The following JARID2 variants were observed in gnomAD, a reference collection of about 807,000 sequenced individuals.
The protein encoded by JARID2 is protein Jumonji.
In JARID2, 21 loss-of-function variants were observed where a neutral mutation model predicts 125.6. That is an observed-to-expected ratio of 0.17 (90% CI 0.12 to 0.24). The LOEUF (loss-of-function observed/expected upper bound fraction) is 0.24. JARID2 is among the 10% of genes least tolerant of loss of function. The pLI is 1.00. For missense variants in JARID2, 1,303 were observed against 1,639.6 expected (o/e 0.79, Z 3.55); for synonymous variants, 736 against 661.6 (o/e 1.11, Z -1.73).
At chr6:15,310,542 G>A (rs938141492) in intron 1 of JARID2, among the ~76,000 whole-genome samples, 27 of 152,202 alleles carry the variant, frequency 1.8e-4, no homozygotes, top group African/African-American at 6.5e-4. Context: ...GGCTGTGAAT[G>A]CCTTGGCCTC....
chr6:15,443,131 A>G (rs1227912726), intron 3 of JARID2, among the ~76,000 whole-genome samples: 1 of 150,548 alleles, frequency 6.6e-6, no homozygotes, highest in Non-Finnish European at 1.5e-5. Context: ...CCTGTTTTCC[A>G]CTTTAGTATT....
In JARID2 at chr6:15,508,434, C is replaced by A; in HGVS notation, c.2826C>A (p.His942Gln). 1.3e-6 allele frequency: 2 copies of A among 1,594,520 alleles called. No individual in the cohort carries two copies. Among genetic ancestry groups the A allele is most frequent in the Non-Finnish European group, 1.7e-6 (2 of 1,162,152 alleles). Residue 942 changes from histidine to glutamine, a missense_variant, in exon 12 of 18, where the codon CAC becomes CAA. Around this residue, in one of 11 missense-constraint regions of JARID2, gnomAD observed 190 missense variants for 341.4 expected, o/e 0.56. Coordinates refer to ENST00000341776, the MANE Select transcript of JARID2 (RefSeq NM_004973.4). ...ACCTTCCATACATTGACTACTTACA[C>A]ACTGGTGCTGACTGCATTTGGTGAG... ...QNHLPYIDYL[H>Q]TGADCIWYCI...
At chr6:15,477,824 T>C (rs770209742) in intron 5 of JARID2, among the ~76,000 whole-genome samples, 1 of 152,218 alleles carries the variant, frequency 6.6e-6, no homozygotes, top group Non-Finnish European at 1.5e-5. Flanking sequence ...ATTGAAAAGA[T>C]CTGGTGCCTG....
At chr6:15,248,015 C>T in intron 1 of JARID2, 6 of 985,372 alleles carry the variant, frequency 6.1e-6, no homozygotes, top group Non-Finnish European at 7.2e-6. Flanking sequence ...AGAACCGCAC[C>T]CCGCCTCCCA....
At chr6:15,340,050 C>T (rs1045683709) in intron 1 of JARID2, among the ~76,000 whole-genome samples, 1 of 151,832 alleles carries the variant, frequency 6.6e-6, no homozygotes, top group Non-Finnish European at 1.5e-5. Flanking sequence ...ACCTCTGACT[C>T]CCGGGTTCAT....
At chr6:15,421,351 G>A (rs1346111771) in intron 3 of JARID2, among the ~76,000 whole-genome samples, 1 of 151,302 alleles carries the variant, frequency 6.6e-6, no homozygotes, top group Non-Finnish European at 1.5e-5. Flanking sequence ...AGAGAGACAC[G>A]TACCATCAGG....
chr6:15,439,048 A>AT (rs1400471837), intron 3 of JARID2, among the ~76,000 whole-genome samples: 3 of 148,742 alleles, frequency 2.0e-5, no homozygotes, highest in African/African-American at 7.4e-5. Context: ...AAAAAAAAAA[A>AT]GGTGTGGGGG....
In JARID2 at chr6:15,390,925, C is replaced by T. The variant is rs186290742; in HGVS notation, c.181+16673C>T. ...ACCATCTGTTTGGTTTGTTGTTTTC[C>T]GTCTCAGAAAATGGGATACTAATTT... On this transcript the variant is annotated intron_variant, in intron 2 of 17. Coordinates refer to ENST00000341776, the MANE Select transcript of JARID2 (RefSeq NM_004973.4). 4.0e-3 allele frequency among the ~76,000 whole-genome samples: 602 copies of T among 152,262 alleles called. 4 individuals are homozygous for T. The highest frequency in any genetic ancestry group is 0.024 in the Middle Eastern group (7 of 294).
intron 1 of JARID2, among the ~76,000 whole-genome samples, chr6:15,261,861 A>G (rs1484143187): frequency 7.3e-6 from 1 of 137,452 alleles, no homozygotes; most frequent in Non-Finnish European, 1.5e-5. Context: ...TTGGCTCACC[A>G]CGACCTCCAC....
intron 12 of JARID2, chr6:15,509,423 CT>C: frequency 2.2e-6 from 2 of 922,284 alleles, no homozygotes; most frequent in Non-Finnish European, 2.6e-6. Flanking sequence ...CTCATTTTGG[CT>C]GTTCTGGTGA....
At chr6:15,397,267 C>G (rs1419004157) in intron 2 of JARID2, among the ~76,000 whole-genome samples, 1 of 152,156 alleles carries the variant, frequency 6.6e-6, no homozygotes, top group Non-Finnish European at 1.5e-5. Context: ...GTGATATGGT[C>G]AATACTACGT....
intron 1 of JARID2, among the ~76,000 whole-genome samples, chr6:15,325,327 G>A (rs529607845): frequency 9.9e-5 from 15 of 152,180 alleles, no homozygotes; most frequent in East Asian, 7.7e-4. Context: ...CTCACTCTCC[G>A]TGTTATATTG....
chr6:15,378,189 C>CA (rs1438402420), intron 2 of JARID2, among the ~76,000 whole-genome samples: 1 of 123,032 alleles, frequency 8.1e-6, no homozygotes, highest in Non-Finnish European at 1.7e-5. Flanking sequence ...ACCCGGCCCT[C>CA]AATTTTTAAT....
In JARID2 at chr6:15,392,109, A is replaced by C. The variant is rs561267558; in HGVS notation, c.181+17857A>C. Among the ~76,000 whole-genome samples the C allele has an allele frequency of 2.0e-5, 3 of 149,770 alleles. No homozygotes were observed. In the South Asian group the frequency reaches 6.3e-4, roughly 32 times the overall value. Reference sequence around the variant, plus strand: ...CTGGAGGTGGCAAAATGTGAGTCCAACTTGGCCTAGGTTTTAGTGCCACTT... The same window carrying C: ...CTGGAGGTGGCAAAATGTGAGTCCACCTTGGCCTAGGTTTTAGTGCCACTT... On this transcript the variant is annotated intron_variant, in intron 2 of 17. Transcript: ENST00000341776.
chr6:15,359,512 C>G (rs1763717749), intron 1 of JARID2, among the ~76,000 whole-genome samples: 1 of 152,092 alleles, frequency 6.6e-6, no homozygotes. Flanking sequence ...TTTTAGCTAC[C>G]CGCGTGGGCA....
chr6:15,413,023 G>C (rs7749934), intron 3 of JARID2, among the ~76,000 whole-genome samples: 3 of 68,036 alleles, frequency 4.4e-5, no homozygotes, highest in East Asian at 4.0e-4. Flanking sequence ...TTTTTTTTTT[G>C]TTTTTTTTTT....
chr6:15,391,804 T>A (rs1221669936), intron 2 of JARID2, among the ~76,000 whole-genome samples: 3 of 152,172 alleles, frequency 2.0e-5, no homozygotes, highest in Non-Finnish European at 4.4e-5. Flanking sequence ...AAACACTAGA[T>A]CTCTTTGTCT....
intron 1 of JARID2, among the ~76,000 whole-genome samples, chr6:15,296,453 A>G (rs975567665): frequency 1.3e-5 from 2 of 152,080 alleles, no homozygotes; most frequent in Non-Finnish European, 2.9e-5. Context: ...TTTTAATGAA[A>G]AGTTGCAAAA....
At chr6:15,393,029 A>T (rs923017093) in intron 2 of JARID2, among the ~76,000 whole-genome samples, 2 of 152,124 alleles carry the variant, frequency 1.3e-5, no homozygotes, top group Non-Finnish European at 2.9e-5. Flanking sequence ...TAAAATTAAA[A>T]AGCCATGCGT....
Sources: gnomAD v4.1 joint callset for allele counts (sites outside exome capture counted in the v4.1 genomes callset) on GRCh38, gnomAD v4.1.1 for gene constraint, gnomAD v4.1.1 regional missense constraint, MANE v1.5 for transcripts, NCBI Gene and HGNC (gene_info 2026-07-23, HGNC 2026-07-21) for gene names.